AK9: variants seen among roughly 807,000 people sequenced by gnomAD.
AK9 encodes adenylate kinase domain containing 1.
A neutral mutation model predicts 239.6 loss-of-function variants in AK9; 191 were observed. The ratio of observed to expected loss-of-function variants is 0.80; its 90% CI spans 0.71 to 0.90. The LOEUF is 0.90. AK9 is among the 40% of genes least tolerant of loss of function. AK9 has a pLI of 0.00. For missense variants in AK9, 1,995 were observed against 2,214.7 expected, an observed-to-expected ratio of 0.90 and a Z score of 1.99; for synonymous variants, 689 against 721.0, an observed-to-expected ratio of 0.96 and a Z score of 0.71.
intron 21 of AK9, among the ~76,000 whole-genome samples, chr6:109,566,176 T>A (rs1004157831): frequency 6.6e-6 from 1 of 152,068 alleles, no homozygotes; most frequent in Non-Finnish European, 1.5e-5. Flanking sequence ...TTAACCTATA[T>A]CAGATATAAC....
intron 29 of AK9, among the ~76,000 whole-genome samples, chr6:109,525,994 G>T (rs10872037): frequency 0.19 from 28,745 of 152,134 alleles, 3,190 homozygotes; most frequent in South Asian, 0.33. Context: ...CAGCAACATG[G>T]ATGGAGCTGG....
intron 32 of AK9, among the ~76,000 whole-genome samples, chr6:109,510,067 G>T (rs1778536216): frequency 6.6e-6 from 1 of 152,032 alleles, no homozygotes; most frequent in Non-Finnish European, 1.5e-5. Flanking sequence ...GCAGAAGGGG[G>T]TGGGTCCCCA....
At chr6:109,605,926 G>A (rs1457250326) in intron 17 of AK9, among the ~76,000 whole-genome samples, 1 of 152,056 alleles carries the variant, frequency 6.6e-6, no homozygotes, top group Non-Finnish European at 1.5e-5. Context: ...CAGGCAGAGG[G>A]GTGAGAAGGC....
At chr6:109,647,880 A>G (rs1307695467) in intron 8 of AK9, among the ~76,000 whole-genome samples, 1 of 152,184 alleles carries the variant, frequency 6.6e-6, no homozygotes, top group African/African-American at 2.4e-5. Context: ...AGAAATTATA[A>G]CAAACTGTCT....
intron 1 of AK9, among the ~76,000 whole-genome samples, chr6:109,682,287 C>A (rs1772773780): frequency 6.6e-6 from 1 of 151,866 alleles, no homozygotes; most frequent in Non-Finnish European, 1.5e-5. Context: ...ATTAGCCAGG[C>A]GTGGTGGCGG....
chr6:109,576,945 C>T (rs796301388), intron 20 of AK9, among the ~76,000 whole-genome samples: 11 of 152,132 alleles, frequency 7.2e-5, no homozygotes, highest in African/African-American at 2.4e-4. Context: ...ATTTTCCTGC[C>T]TCAGCTTTCT....
intron 13 of AK9, among the ~76,000 whole-genome samples, chr6:109,615,258 C>CTTTT (rs5879032): frequency 2.9e-5 from 4 of 139,290 alleles, no homozygotes; most frequent in African/African-American, 1.1e-4. Flanking sequence ...GTTCCCTTGG[C>CTTTT]TTTTTTTTTT....
chr6:109,578,836 G>A (rs1788450832), intron 20 of AK9, among the ~76,000 whole-genome samples: 2 of 90,594 alleles, frequency 2.2e-5, no homozygotes, highest in Non-Finnish European at 5.1e-5. Flanking sequence ...TAATTTCCAT[G>A]TATTCGTATA....
chr6:109,672,612 G>C (rs1197807869), intron 3 of AK9, among the ~76,000 whole-genome samples: 3 of 152,164 alleles, frequency 2.0e-5, no homozygotes, highest in Non-Finnish European at 4.4e-5. Context: ...CTTGAGCCCA[G>C]GAGGTCAAGT....
At chr6:109,678,609 A>G (rs1265098859) in intron 1 of AK9, among the ~76,000 whole-genome samples, 1 of 152,126 alleles carries the variant, frequency 6.6e-6, no homozygotes, top group Non-Finnish European at 1.5e-5. Context: ...GAAAAGTTTG[A>G]CTAAAAAATA....
intron 27 of AK9, 40 bp from the exon 28 acceptor site, chr6:109,533,510 T>A: frequency 6.7e-7 from 1 of 1,484,974 alleles, no homozygotes; most frequent in Non-Finnish European, 9.1e-7. Flanking sequence ...TTCATTAAAA[T>A]GTTGTAATGG....
intron 27 of AK9, among the ~76,000 whole-genome samples, chr6:109,535,325 G>T (rs1315249778): frequency 9.9e-5 from 15 of 152,134 alleles, no homozygotes; most frequent in Admixed American, 9.8e-4. Flanking sequence ...GTAACTCATT[G>T]TTGTTTTGAT....
chr6:109,530,839 G>C (rs1048614835), intron 28 of AK9, among the ~76,000 whole-genome samples: 7 of 152,056 alleles, frequency 4.6e-5, no homozygotes, highest in Admixed American at 1.3e-4. Context: ...ATATGGTCTC[G>C]ATCTGTTGAC....
At chr6:109,625,647 G>A (rs1562512445) in intron 12 of AK9, among the ~76,000 whole-genome samples, 1 of 152,178 alleles carries the variant, frequency 6.6e-6, no homozygotes, top group South Asian at 2.1e-4. Flanking sequence ...GATCTGAAGT[G>A]GAACAGTTTC....
intron 16 of AK9, among the ~76,000 whole-genome samples, 185 bp from the exon 17 acceptor site, chr6:109,610,698 C>A (rs558873476): frequency 1.3e-5 from 2 of 152,092 alleles, no homozygotes; most frequent in African/African-American, 2.4e-5. Flanking sequence ...AATCACAGCA[C>A]CGCAAACTCT....
intron 19 of AK9, among the ~76,000 whole-genome samples, chr6:109,581,436 T>C (rs1324639899): frequency 6.6e-6 from 1 of 152,196 alleles, no homozygotes; most frequent in Non-Finnish European, 1.5e-5. Context: ...ACACTAATGA[T>C]ACAAAAGTAA....
intron 7 of AK9, among the ~76,000 whole-genome samples, chr6:109,657,488 T>C (rs187486724): frequency 2.6e-4 from 39 of 151,280 alleles, no homozygotes; most frequent in African/African-American, 9.2e-4. Flanking sequence ...TCTAGAGAAA[T>C]GGAATTTGAG....
chr6:109,645,658 C>T (rs1703812123), intron 8 of AK9, among the ~76,000 whole-genome samples: 1 of 152,254 alleles, frequency 6.6e-6, no homozygotes, highest in Admixed American at 6.5e-5. Context: ...GCAGCAGAAA[C>T]TTGTGCAGAC....
At chr6:109,498,234 G>A (rs763100134) in intron 36 of AK9, among the ~76,000 whole-genome samples, 10 of 152,292 alleles carry the variant, frequency 6.6e-5, no homozygotes, top group Middle Eastern at 3.4e-3. Context: ...ACAGTCACTG[G>A]AGAGAGCAGG....
Sources: gnomAD v4.1 joint callset for allele counts (sites outside exome capture counted in the v4.1 genomes callset) on GRCh38, gnomAD v4.1.1 for gene constraint, MANE v1.5 for transcripts, NCBI Gene and HGNC (gene_info 2026-07-23, HGNC 2026-07-21) for gene names.